Variants in INSL6 observed in about 807,000 individuals in gnomAD.
The protein encoded by INSL6 is insulin like 6.
INSL6 carries 16 observed loss-of-function variants against 9.4 expected under a neutral mutation model. The observed-to-expected ratio is 1.70, with a 90% CI of 1.15 to 2.59. The LOEUF (loss-of-function observed/expected upper bound fraction) is 2.59. Among genes scored for constraint, INSL6 ranks in the 30% most tolerant of loss-of-function variants. The pLI is 0.00. For synonymous variants in INSL6, 154 were observed against 96.9 expected (o/e 1.59, Z -3.46); for missense variants, 391 against 257.3 (o/e 1.52, Z -3.56).
chr9:4,995,581 C>A, the INSL6 span, among the ~76,000 whole-genome samples: 4 of 152,126 alleles, frequency 2.6e-5, no homozygotes, highest in African/African-American at 9.7e-5. Flanking sequence ...TATTTCTGGA[C>A]TTTGTTTCAT....
At chr9:5,013,316 T>C in the INSL6 span, among the ~76,000 whole-genome samples, 4 of 152,230 alleles carry the variant, frequency 2.6e-5, no homozygotes, top group African/African-American at 7.2e-5. Flanking sequence ...ATAGGAATAA[T>C]TGTAGGAAAA....
chr9:5,010,996 T>C, the INSL6 span, among the ~76,000 whole-genome samples: 1 of 152,234 alleles, frequency 6.6e-6, no homozygotes, highest in Non-Finnish European at 1.5e-5. Flanking sequence ...ATGTCAGTTC[T>C]ATTTCTTGTC....
the INSL6 span, among the ~76,000 whole-genome samples, chr9:5,105,922 T>C: frequency 6.6e-6 from 1 of 152,198 alleles, no homozygotes; most frequent in Non-Finnish European, 1.5e-5. Flanking sequence ...TCAAGATGGA[T>C]TAAAGACTTA....
At chr9:4,994,158 T>A in the INSL6 span, among the ~76,000 whole-genome samples, 1 of 152,234 alleles carries the variant, frequency 6.6e-6, no homozygotes, top group African/African-American at 2.4e-5. Context: ...GTGTTTGGAA[T>A]CTTTACTTAG....
chr9:5,063,898 G>C, the INSL6 span, among the ~76,000 whole-genome samples: 23 of 152,166 alleles, frequency 1.5e-4, no homozygotes, highest in Admixed American at 6.5e-5. Flanking sequence ...TGACTCACGC[G>C]TGTAATCCCA....
intron 2 of INSL6, among the ~76,000 whole-genome samples, chr9:5,146,173 G>C (rs751606935): frequency 6.6e-6 from 1 of 151,928 alleles, no homozygotes; most frequent in Non-Finnish European, 1.5e-5. Context: ...GTGGTATAAA[G>C]TGAACTCAGC....
the INSL6 span, among the ~76,000 whole-genome samples, chr9:5,015,871 C>G: frequency 6.6e-6 from 1 of 151,706 alleles, no homozygotes; most frequent in African/African-American, 2.4e-5. Flanking sequence ...GTTCTAAACA[C>G]GATTGTGTCA....
chr9:5,102,297 G>A, the INSL6 span, among the ~76,000 whole-genome samples: 3 of 152,304 alleles, frequency 2.0e-5, no homozygotes, highest in Admixed American at 1.3e-4. Flanking sequence ...ATCAGTGATT[G>A]AAGATCAAAT....
At chr9:5,113,387 ATTTT>A in the INSL6 span, among the ~76,000 whole-genome samples, 1 of 146,160 alleles carries the variant, frequency 6.8e-6, no homozygotes, top group East Asian at 2.0e-4. Context: ...CCTAAGCGTA[ATTTT>A]TTTTAAGGAA....
At chr9:5,057,660 G>A in the INSL6 span, among the ~76,000 whole-genome samples, 4 of 140,984 alleles carry the variant, frequency 2.8e-5, no homozygotes, top group African/African-American at 1.1e-4. Flanking sequence ...TTGGCTCACT[G>A]TAACCTGTGC....
At chr9:5,098,550 A>G in the INSL6 span, 2 of 152,334 alleles carry the variant, frequency 1.3e-5, no homozygotes, top group Middle Eastern at 3.4e-3. Flanking sequence ...CTTACCTGCC[A>G]TTATCTTAAT....
the INSL6 span, among the ~76,000 whole-genome samples, chr9:5,043,911 T>C: frequency 1.3e-5 from 2 of 152,338 alleles, no homozygotes; most frequent in South Asian, 2.1e-4. Context: ...ACTAAAAACA[T>C]TGAATTTTAC....
the INSL6 span, among the ~76,000 whole-genome samples, chr9:5,075,774 C>A: frequency 0.081 from 12,349 of 152,188 alleles, 1,534 homozygotes; most frequent in African/African-American, 0.27. Context: ...ACTTTCAAGT[C>A]TTATTATCTA....
At chr9:5,091,618 T>C in the INSL6 span, 2 of 152,190 alleles carry the variant, frequency 1.3e-5, no homozygotes, top group African/African-American at 2.4e-5. Flanking sequence ...AGATAATTAA[T>C]AGTAGAGTTT....
At chr9:5,163,787 G>C, downstream of INSL6, 1 of 665,020 alleles carries the variant, frequency 1.5e-6, no homozygotes, top group Non-Finnish European at 2.6e-6. Context: ...ATAAGGTATG[G>C]TCAAGTGCTT....
At chr9:5,075,839 C>G in the INSL6 span, among the ~76,000 whole-genome samples, 1 of 152,034 alleles carries the variant, frequency 6.6e-6, no homozygotes. Context: ...TCTGGTGGAT[C>G]TGGGTAAAGT....
chr9:5,105,464 A>C, the INSL6 span, among the ~76,000 whole-genome samples: 1 of 152,210 alleles, frequency 6.6e-6, no homozygotes, highest in South Asian at 2.1e-4. Context: ...AGGAAGAATC[A>C]ATATCGTGAA....
chr9:5,162,435 T>C (rs1034197575), downstream of INSL6, among the ~76,000 whole-genome samples: 3 of 152,068 alleles, frequency 2.0e-5, no homozygotes, highest in African/African-American at 7.2e-5. Context: ...ATCATAATTT[T>C]CTAATTGGGA....
chr9:5,148,216 T>G (rs1298625708), intron 2 of INSL6, among the ~76,000 whole-genome samples: 4 of 152,234 alleles, frequency 2.6e-5, no homozygotes, highest in African/African-American at 4.8e-5. Context: ...ACTTCATTTC[T>G]GGAAGTTTTC....
Sources: allele counts gnomAD v4.1 joint callset (sites outside exome capture counted in the v4.1 genomes callset), GRCh38; gene constraint gnomAD v4.1.1; transcripts MANE v1.5; gene names NCBI Gene and HGNC (gene_info 2026-07-23, HGNC 2026-07-21).